BOC: variants seen among roughly 807,000 people sequenced by gnomAD.
BOC encodes the protein BOC cell adhesion associated, oncogene regulated.
In BOC, 76 loss-of-function variants were observed where a neutral mutation model predicts 112.0. The observed-to-expected ratio is 0.68, with a 90% confidence interval of 0.56 to 0.82. BOC has a LOEUF of 0.82. Among genes scored for constraint, BOC ranks in the 40% least tolerant of loss-of-function variants. The probability of loss-of-function intolerance (pLI) is 0.00; values close to 1 mark genes in which losing one functional copy is unlikely to be tolerated. For missense variants in BOC, 1,309 were observed against 1,511.7 expected, an observed-to-expected ratio of 0.87 and a Z score of 2.22; for synonymous variants, 580 against 599.8, an observed-to-expected ratio of 0.97 and a Z score of 0.48.
rs778066166 is a variant in BOC at position 113,250,483 on chromosome 3, A to G, written c.98-72A>G. 143 of 1,522,764 alleles carry G rather than the reference A, an allele frequency of 9.4e-5. 1 individual carries two copies. Among genetic ancestry groups the G allele is most frequent in the Non-Finnish European group, 1.2e-4 (132 of 1,132,276 alleles). 94.3% of individuals were successfully genotyped at this position (1,522,764 alleles called of 1,614,324 possible). A position where few individuals can be genotyped will look rare whatever the true frequency, so the allele number is the denominator to read the frequency against. ...CACTTCTGGAAGACTTCCTGGGTGC[A>G]GTGCTTCTAAAAACGTGATGTTGTT... On this transcript the variant is annotated intron_variant, in intron 3 of 19. Transcript: ENST00000682979.
chr3:113,285,561 C>G lies in BOC; in HGVS notation c.3156C>G (p.His1052Gln). The change falls in exon 19 of 20, where the codon CAC becomes CAG. Residue 1052 changes from histidine (H) to glutamine (Q), a missense_variant. Physicochemically the swap from His to Gln is conservative, Grantham distance 24. Coordinates refer to ENST00000682979, the MANE Select transcript of BOC (RefSeq NM_001378074.1). ...VLEAVWDPPF[H>Q]SGPPCCLGLV... is the part of the protein sequence containing the mutation. Reference sequence around the variant, plus strand: ...AAGCAGTGTGGGACCCTCCATTTCACTCAGGTTGGTTCCAGGAGCAGGGCA... The same window carrying G: ...AAGCAGTGTGGGACCCTCCATTTCAGTCAGGTTGGTTCCAGGAGCAGGGCA... 1.9e-6 allele frequency: 3 copies of G among 1,576,610 alleles called. No individual in the cohort carries two copies. The highest frequency in any genetic ancestry group is 2.6e-6 in the Non-Finnish European group (3 of 1,160,726).
At chr3:113,251,747 T>C (rs1021493528) in intron 4 of BOC, 1 of 152,216 alleles carries the variant, frequency 6.6e-6, no homozygotes, top group African/African-American at 2.4e-5. Flanking sequence ...CATTTCCATG[T>C]GCTCACTGAC....
Position 113,278,104 on chromosome 3 carries a change from A to G in BOC, c.1552A>G (p.Asn518Asp), listed in dbSNP as rs1031551779. The G allele has an allele frequency of 4.3e-6, 7 of 1,614,006 alleles. No individual in the cohort carries two copies. The highest frequency in any genetic ancestry group is 5.9e-6 in the Non-Finnish European group (7 of 1,180,022). Reference sequence around the variant, plus strand: ...CAGCTACCTTCTCCAGCAGGTCACAAATTCCTCTGACGATTGGACCATCTC... The same window carrying G: ...CAGCTACCTTCTCCAGCAGGTCACAGATTCCTCTGACGATTGGACCATCTC... ...YVVKHRKQVT[N>D]SSDDWTISGI... The change falls in exon 10 of 20, where the codon AAT becomes GAT. Residue 518 changes from asparagine (N) to aspartate (D), a missense_variant. Coordinates refer to ENST00000682979, the MANE Select transcript of BOC (RefSeq NM_001378074.1). This position sits in a 1 kb window ranked among gnomAD's most constrained non-coding sequence, Gnocchi z 4.2.
Position 113,278,957 on chromosome 3 carries a change from T to G in BOC, c.1816+174T>G, listed in dbSNP as rs1038880062. 1.3e-5 allele frequency: 9 copies of G among 671,542 alleles called. No individual in the cohort carries two copies. In the Admixed American group the frequency reaches 2.5e-4, roughly 19 times the overall value. 41.6% of individuals were successfully genotyped at this position (671,542 alleles called of 1,614,324 possible). On this transcript the variant is annotated intron_variant, in intron 11 of 19. Transcript: ENST00000682979. This position sits in a 1 kb window ranked among gnomAD's most constrained non-coding sequence, Gnocchi z 4.2. Reference sequence around the variant, plus strand: ...AGCTTTTTAAATAAAAGGCTGGCATTGATGCTGGGATTGCTCACTGGGTGC... The same window carrying G: ...AGCTTTTTAAATAAAAGGCTGGCATGGATGCTGGGATTGCTCACTGGGTGC...
chr3:113,277,647 G>T (rs910854314), intron 9 of BOC, among the ~76,000 whole-genome samples: 3 of 152,218 alleles, frequency 2.0e-5, no homozygotes, highest in Admixed American at 2.0e-4. Flanking sequence ...AGTGCTTAGC[G>T]AATGTTGCTA....
chr3:113,268,289 C>G lies in BOC; in HGVS notation c.377-10C>G. 6.2e-7 allele frequency: 1 copy of G among 1,614,032 alleles called. No homozygotes were observed. The highest frequency in any genetic ancestry group is 8.5e-7 in the Non-Finnish European group (1 of 1,179,962). On this transcript the variant is annotated splice_polypyrimidine_tract_variant and intron_variant, in intron 4 of 19. Coordinates refer to ENST00000682979, the MANE Select transcript of BOC (RefSeq NM_001378074.1). ...TGTCCTCCAACCAGCACCTTCCCTT[C>G]TCTTCACAGATCTCCAGGACTTCAA...
rs370284094 is a variant in BOC at position 113,274,500 on chromosome 3, T to G, written c.1360T>G (p.Ser454Ala). The change falls in exon 9 of 20, where the codon TCA becomes GCA. Residue 454 changes from serine (S) to alanine (A), a missense_variant. By Grantham distance (99) the Ser-to-Ala change is moderately conservative (BLOSUM62 1). Transcript: ENST00000682979. This position sits in a 1 kb window ranked among gnomAD's most constrained non-coding sequence, Gnocchi z 4.8. ...ACCGGCGCTCCCCAGACCCCCAACG[T>G]CAGTGGGGCCTGCTTCCCCGCAGTG... ...GQPALPRPPT[S>A]VGPASPQCPG... The G allele has an allele frequency of 6.2e-7, 1 of 1,612,740 alleles. No homozygotes were observed. The highest frequency in any genetic ancestry group is 1.3e-5 in the African/African-American group (1 of 74,860).
intron 2 of BOC, among the ~76,000 whole-genome samples, chr3:113,220,307 G>GT (rs561366357): frequency 5.4e-4 from 82 of 152,220 alleles, no homozygotes; most frequent in South Asian, 1.0e-3. Context: ...CTTGTTCCTT[G>GT]TTTTTTTGTA....
At chr3:113,245,437 C>G (rs1470534521) in intron 2 of BOC, among the ~76,000 whole-genome samples, 1 of 152,066 alleles carries the variant, frequency 6.6e-6, no homozygotes, top group African/African-American at 2.4e-5. Context: ...CATATTCAGC[C>G]CTCTGAAAAT....
rs1320742647 is a variant in BOC, at chr3:113,274,175, G to A, written c.1235-200G>A. On this transcript the variant is annotated intron_variant, in intron 8 of 19. Coordinates refer to ENST00000682979, the MANE Select transcript of BOC (RefSeq NM_001378074.1). This position sits in a 1 kb window ranked among gnomAD's most constrained non-coding sequence, Gnocchi z 4.8. ...GAGCCCTGGCCAGGCAGGCCAGCCT[G>A]CCTTTTCCTTCTGGCAGGACAGGGA... Among the ~76,000 whole-genome samples the A allele has an allele frequency of 1.3e-5, 2 of 152,188 alleles. No individual in the cohort carries two copies. The highest frequency in any genetic ancestry group is 2.9e-5 in the Non-Finnish European group (2 of 68,038).
chr3:113,258,022 A>T (rs1417106403), intron 4 of BOC, among the ~76,000 whole-genome samples: 1 of 152,244 alleles, frequency 6.6e-6, no homozygotes, highest in African/African-American at 2.4e-5. Flanking sequence ...AAAGCAAGCC[A>T]GCCCCATGAG....
intron 2 of BOC, among the ~76,000 whole-genome samples, chr3:113,238,130 G>A (rs533902770): frequency 2.0e-5 from 3 of 152,308 alleles, no homozygotes; most frequent in Admixed American, 2.0e-4. Flanking sequence ...GACATTTGAG[G>A]TAAGATTTAA....
chr3:113,279,482 T>C, intron 12 of BOC, 27 bp downstream of exon 12: 1 of 1,599,336 alleles, frequency 6.3e-7, no homozygotes. Flanking sequence ...ACCGTGGCCT[T>C]GGCCTGATCC....
Position 113,278,047 on chromosome 3 carries a change from G to T in BOC, c.1543-48G>T, listed in dbSNP as rs183877996. The T allele has an allele frequency of 6.2e-7, 1 of 1,607,080 alleles. No homozygotes were observed. Among genetic ancestry groups the T allele is most frequent in the Non-Finnish European group, 8.5e-7 (1 of 1,174,792 alleles). Reference sequence around the variant, plus strand: ...TTTCTTTGTAAACCATAGCCCACTCGTAGCCCGAGGCTGAGATGCCGGTCT... The same window carrying T: ...TTTCTTTGTAAACCATAGCCCACTCTTAGCCCGAGGCTGAGATGCCGGTCT... On this transcript the variant is annotated intron_variant, in intron 9 of 19. Coordinates refer to ENST00000682979, the MANE Select transcript of BOC (RefSeq NM_001378074.1). The surrounding 1 kb of genome is among the most constrained non-coding windows in gnomAD (Gnocchi z 4.2).
chr3:113,279,955 A>G lies in BOC; in HGVS notation c.2155A>G (p.Ile719Val), dbSNP rs1460080460. ...VYERPVAGPY[I>V]TFTDAVNETT... is the part of the protein sequence containing the mutation. The stretch of plus-strand genomic sequence containing the variant: ...CGAGAGGCCCGTGGCAGGTCCTTAT[A>G]TCACCTTCACGGATGCGGTCAATGA... Residue 719 changes from isoleucine (I) to valine (V), a missense_variant, in exon 13 of 20, where the codon ATC becomes GTC. By Grantham distance (29) the Ile-to-Val change is conservative. Transcript: ENST00000682979. 1 of 1,613,674 alleles carries G rather than the reference A, an allele frequency of 6.2e-7. No homozygotes were observed. The highest frequency in any genetic ancestry group is 1.7e-5 in the Admixed American group (1 of 59,978).
chr3:113,253,193 C>A (rs570662456), intron 4 of BOC, among the ~76,000 whole-genome samples: 3 of 151,312 alleles, frequency 2.0e-5, no homozygotes, highest in East Asian at 3.9e-4. Flanking sequence ...TATACAAGTT[C>A]TTTTCTCTCT....
intron 2 of BOC, among the ~76,000 whole-genome samples, chr3:113,222,912 A>T (rs1940997335): frequency 6.6e-6 from 1 of 152,234 alleles, no homozygotes; most frequent in African/African-American, 2.4e-5. Context: ...CACACACCAG[A>T]GAGGCTGGTA....
At position 113,278,619 on chromosome 3, in the gene BOC, G is replaced by C. The variant is rs562755008; in HGVS notation, c.1706-54G>C. ...CTCAGGCAAAAAGGACTCTGTGGGA[G>C]GGAGATCTCATGCCTGCTTCCTCCC... is the stretch of plus-strand genomic sequence containing the variant. On this transcript the variant is annotated intron_variant, in intron 10 of 19. Coordinates refer to ENST00000682979, the MANE Select transcript of BOC (RefSeq NM_001378074.1). This position sits in a 1 kb window ranked among gnomAD's most constrained non-coding sequence, Gnocchi z 4.2. 4.0e-5 allele frequency: 57 copies of C among 1,442,090 alleles called. No individual in the cohort carries two copies. The highest frequency in any genetic ancestry group is 5.3e-5 in the Non-Finnish European group (56 of 1,048,584). 89.3% of individuals were successfully genotyped at this position (1,442,090 alleles called of 1,614,324 possible). A position where few individuals can be genotyped will look rare whatever the true frequency, so the allele number is the denominator to read the frequency against.
In BOC at chr3:113,286,922, A is replaced by G; in HGVS notation, c.*60A>G. 1 of 1,423,742 alleles carries G rather than the reference A, an allele frequency of 7.0e-7. No homozygotes were observed. 88.2% of individuals were successfully genotyped at this position (1,423,742 alleles called of 1,614,324 possible). A position where few individuals can be genotyped will look rare whatever the true frequency, so the allele number is the denominator to read the frequency against. ...TTTTTTTTTTAAAAAAAAAAAGAAG[A>G]AAAAAGAGACAGAGAAAATTGGTAT... On this transcript the variant is annotated 3_prime_UTR_variant, in exon 20 of 20. Coordinates refer to ENST00000682979, the MANE Select transcript of BOC (RefSeq NM_001378074.1).
Sources: allele counts gnomAD v4.1 joint callset (sites outside exome capture counted in the v4.1 genomes callset), GRCh38; gene constraint gnomAD v4.1.1; non-coding constraint Gnocchi (gnomAD v3.1); transcripts MANE v1.5; gene names NCBI Gene and HGNC (gene_info 2026-07-23, HGNC 2026-07-21).